The following IQGAP2 variants were observed in gnomAD, a reference collection of about 807,000 sequenced individuals.
The protein encoded by IQGAP2 is ras GTPase-activating-like protein IQGAP2.
A neutral mutation model predicts 201.3 loss-of-function variants in IQGAP2; 173 were observed. The ratio of observed to expected loss-of-function variants is 0.86; its 90% CI spans 0.76 to 0.98. The LOEUF (loss-of-function observed/expected upper bound fraction) is 0.98, where lower values mean the gene tolerates loss of function less well. Among genes scored for constraint, IQGAP2 ranks in the 50% least tolerant of loss-of-function variants. IQGAP2 has a pLI of 0.00. For missense variants in IQGAP2, 1,687 were observed against 1,864.8 expected, an observed-to-expected ratio of 0.90 and a Z score of 1.76; for synonymous variants, 675 against 673.9, an observed-to-expected ratio of 1.00 and a Z score of -0.03.
chr5:76,634,413 C>T (rs1185918263), intron 15 of IQGAP2, among the ~76,000 whole-genome samples: 3 of 152,108 alleles, frequency 2.0e-5, no homozygotes, highest in Non-Finnish European at 4.4e-5. Flanking sequence ...TACCTGCCAA[C>T]ATGCCTGGCT....
intron 10 of IQGAP2, among the ~76,000 whole-genome samples, chr5:76,597,909 C>A (rs1260800509): frequency 6.6e-6 from 1 of 152,116 alleles, no homozygotes; most frequent in African/African-American, 2.4e-5. Flanking sequence ...TTTAGCTATA[C>A]CGATGTGGTA....
At chr5:76,535,764 G>A (rs999607479) in intron 2 of IQGAP2, among the ~76,000 whole-genome samples, 7 of 152,156 alleles carry the variant, frequency 4.6e-5, no homozygotes, top group Non-Finnish European at 5.9e-5. Context: ...TGCAGAGCAG[G>A]GCTACCCTAC....
At chr5:76,413,156 C>CTTTTTTTTTTTTTTTTTT (rs567410789) in intron 1 of IQGAP2, among the ~76,000 whole-genome samples, 17 of 83,722 alleles carry the variant, frequency 2.0e-4, no homozygotes, top group African/African-American at 2.6e-4. Context: ...TTTCTTTTCT[C>CTTTTTTTTTTTTTTTTTT]TTTTTTTTTT....
At chr5:76,598,462 A>C (rs568669999) in intron 10 of IQGAP2, among the ~76,000 whole-genome samples, 3 of 151,596 alleles carry the variant, frequency 2.0e-5, no homozygotes, top group Admixed American at 2.0e-4. Context: ...AATGACAAAC[A>C]AAAAAAAAGT....
intron 1 of IQGAP2, among the ~76,000 whole-genome samples, chr5:76,424,488 G>A (rs941052441): frequency 6.6e-6 from 1 of 151,774 alleles, no homozygotes; most frequent in Non-Finnish European, 1.5e-5. Flanking sequence ...TGTATTTTTA[G>A]TAGAGGTGGG....
intron 2 of IQGAP2, among the ~76,000 whole-genome samples, chr5:76,465,449 A>G (rs985837208): frequency 6.6e-6 from 1 of 152,240 alleles, no homozygotes; most frequent in Non-Finnish European, 1.5e-5. Context: ...AAGTAACACC[A>G]TACTCAGTGG....
chr5:76,485,237 T>C (rs770112688), intron 2 of IQGAP2, among the ~76,000 whole-genome samples: 4 of 152,218 alleles, frequency 2.6e-5, no homozygotes, highest in African/African-American at 4.8e-5. Flanking sequence ...AACCCAATTC[T>C]CTGGATGACC....
intron 28 of IQGAP2, among the ~76,000 whole-genome samples, chr5:76,681,187 A>C (rs1745263240): frequency 6.6e-6 from 1 of 151,964 alleles, no homozygotes; most frequent in African/African-American, 2.4e-5. Flanking sequence ...TGTATCCAGA[A>C]TATATAAAGA....
At chr5:76,621,013 T>C (rs991186466) in intron 13 of IQGAP2, among the ~76,000 whole-genome samples, 1 of 152,256 alleles carries the variant, frequency 6.6e-6, no homozygotes, top group African/African-American at 2.4e-5. Flanking sequence ...AGATTTCTAA[T>C]GTTACCTTTA....
chr5:76,597,827 G>T (rs1379668297), intron 10 of IQGAP2, among the ~76,000 whole-genome samples: 1 of 152,100 alleles, frequency 6.6e-6, no homozygotes, highest in African/African-American at 2.4e-5. Context: ...TCCAGCAGTG[G>T]TCTATACATA....
intron 2 of IQGAP2, among the ~76,000 whole-genome samples, chr5:76,478,407 AAAT>A (rs1755577548): frequency 6.6e-6 from 1 of 152,166 alleles, no homozygotes; most frequent in African/African-American, 2.4e-5. Context: ...TCAAGAAAAA[AAAT>A]AATTTAGCAT....
intron 2 of IQGAP2, among the ~76,000 whole-genome samples, chr5:76,550,958 G>A (rs1056441076): frequency 5.3e-5 from 8 of 149,976 alleles, no homozygotes; most frequent in Admixed American, 1.3e-4. Flanking sequence ...CCTCCCTCCC[G>A]GATGGGGCGA....
chr5:76,504,870 C>T (rs142796418), intron 2 of IQGAP2, among the ~76,000 whole-genome samples: 193 of 152,316 alleles, frequency 1.3e-3, no homozygotes, highest in African/African-American at 3.8e-3. Context: ...CCAGCATGAT[C>T]TAGCCCTGGC....
chr5:76,452,962 G>T (rs1015006487), intron 1 of IQGAP2, among the ~76,000 whole-genome samples: 1 of 140,910 alleles, frequency 7.1e-6, no homozygotes, highest in African/African-American at 2.7e-5. Flanking sequence ...CCAGGCTGGA[G>T]TGCAGTGGCG....
chr5:76,496,609 C>T (rs1418911428), intron 2 of IQGAP2, among the ~76,000 whole-genome samples: 1 of 152,088 alleles, frequency 6.6e-6, no homozygotes, highest in Non-Finnish European at 1.5e-5. Context: ...GGGGATCATG[C>T]GGAGGGAGTC....
chr5:76,573,975 G>A (rs2150278108), intron 4 of IQGAP2, among the ~76,000 whole-genome samples: 1 of 152,134 alleles, frequency 6.6e-6, no homozygotes, highest in South Asian at 2.1e-4. Context: ...AGGAAAGTTG[G>A]AAAGGCTTTT....
rs60329357 is a variant in IQGAP2 at position 76,493,330 on chromosome 5, A to G, written c.146+31661A>G. Among the ~76,000 whole-genome samples, 748 of 146,938 alleles carry G rather than the reference A, an allele frequency of 5.1e-3. 3 individuals are homozygous for G. The highest frequency in any genetic ancestry group is 0.018 in the African/African-American group (698 of 39,372). On this transcript the variant is annotated intron_variant, in intron 2 of 35. Coordinates refer to ENST00000274364, the MANE Select transcript of IQGAP2 (RefSeq NM_006633.5). ...CCTGCTCAGCCCAGCCACTCTGAGCACACTGGCCTCCTTGCTGTTCCTCTC... is the reference window on the plus strand; with the variant it reads ...CCTGCTCAGCCCAGCCACTCTGAGCGCACTGGCCTCCTTGCTGTTCCTCTC...
chr5:76,489,274 G>T (rs1211133793), intron 2 of IQGAP2, among the ~76,000 whole-genome samples: 4 of 152,134 alleles, frequency 2.6e-5, no homozygotes, highest in Non-Finnish European at 5.9e-5. Context: ...GTCTCTGGAG[G>T]CTGTATCTCC....
At chr5:76,407,755 G>T (rs1362631708) in intron 1 of IQGAP2, among the ~76,000 whole-genome samples, 1 of 152,158 alleles carries the variant, frequency 6.6e-6, no homozygotes, top group East Asian at 1.9e-4. Flanking sequence ...GTTATTTGGG[G>T]TGTTAACTCC....
Sources: gnomAD v4.1 joint callset for allele counts (sites outside exome capture counted in the v4.1 genomes callset) on GRCh38, gnomAD v4.1.1 for gene constraint, MANE v1.5 for transcripts, NCBI Gene and HGNC (gene_info 2026-07-23, HGNC 2026-07-21) for gene names.